Variants in NRXN3 observed in about 807,000 individuals in gnomAD.
NRXN3 encodes neurexin 3.
In NRXN3, 32 loss-of-function variants were observed where a neutral mutation model predicts 137.6. The ratio of observed to expected loss-of-function variants is 0.23; its 90% CI spans 0.18 to 0.31. NRXN3 has a LOEUF of 0.31. Ranked by LOEUF, NRXN3 falls within the 10% of genes least tolerant of loss-of-function variation. The pLI, the probability that NRXN3 is intolerant of heterozygous loss-of-function variation, is 1.00. For synonymous variants in NRXN3, 798 were observed against 784.5 expected, an observed-to-expected ratio of 1.02 and a Z score of -0.29; for missense variants, 1,574 against 2,062.5, an observed-to-expected ratio of 0.76 and a Z score of 4.59.
chr14:79,356,845 C>T (rs2093441525), intron 15 of NRXN3, among the ~76,000 whole-genome samples: 1 of 152,118 alleles, frequency 6.6e-6, no homozygotes, highest in Non-Finnish European at 1.5e-5. Context: ...TCTGCTGCCT[C>T]AGCTTCTGGA....
intron 3 of NRXN3, among the ~76,000 whole-genome samples, chr14:78,279,066 G>A (rs1596690418): frequency 6.6e-6 from 1 of 152,174 alleles, no homozygotes; most frequent in Non-Finnish European, 1.5e-5. Context: ...GACATACGTA[G>A]CATGGAAAAT....
chr14:78,599,946 A>T (rs1038631381), intron 4 of NRXN3, among the ~76,000 whole-genome samples: 2 of 152,126 alleles, frequency 1.3e-5, no homozygotes, highest in African/African-American at 4.8e-5. Flanking sequence ...TGACTTAAGA[A>T]ATTTCTGGAA....
At chr14:79,149,517 A>G (rs2059610856) in intron 15 of NRXN3, among the ~76,000 whole-genome samples, 2 of 152,064 alleles carry the variant, frequency 1.3e-5, no homozygotes, top group African/African-American at 4.8e-5. Context: ...TATATACCCA[A>G]AGGAATATAA....
At chr14:79,625,305 T>C (rs1238064580) in intron 16 of NRXN3, among the ~76,000 whole-genome samples, 2 of 152,122 alleles carry the variant, frequency 1.3e-5, no homozygotes, top group African/African-American at 4.8e-5. Context: ...AAAATGAACA[T>C]GTGGGTTATT....
chr14:79,618,374 T>C (rs1459204161), intron 16 of NRXN3, among the ~76,000 whole-genome samples: 2 of 152,084 alleles, frequency 1.3e-5, no homozygotes, highest in Non-Finnish European at 1.5e-5. Context: ...CCAGTGTCTA[T>C]TGTTGACATA....
chr14:78,667,391 A>T (rs117183890), intron 6 of NRXN3, among the ~76,000 whole-genome samples: 1 of 152,222 alleles, frequency 6.6e-6, no homozygotes. Context: ...CTCAAGAAAT[A>T]CTAGCTATTT....
intron 19 of NRXN3, among the ~76,000 whole-genome samples, chr14:79,804,390 G>A (rs930002083): frequency 3.3e-5 from 5 of 152,058 alleles, no homozygotes; most frequent in African/African-American, 1.2e-4. Context: ...CCCTGGGACT[G>A]GGGAGTTTCT....
At chr14:78,918,796 C>T (rs1319340504) in intron 10 of NRXN3, among the ~76,000 whole-genome samples, 3 of 152,248 alleles carry the variant, frequency 2.0e-5, no homozygotes, top group Admixed American at 6.5e-5. Context: ...GTATTCAGTA[C>T]AATCACAAGC....
At chr14:78,999,425 A>G (rs74904134) in intron 15 of NRXN3, among the ~76,000 whole-genome samples, 1,865 of 152,284 alleles carry the variant, frequency 0.012, 35 homozygotes, top group African/African-American at 0.042. Flanking sequence ...TACTCAAAAT[A>G]TATTTGTTGG....
intron 16 of NRXN3, among the ~76,000 whole-genome samples, chr14:79,593,680 T>C (rs2097833776): frequency 7.0e-6 from 1 of 143,786 alleles, no homozygotes; most frequent in Admixed American, 6.9e-5. Context: ...AGCAAACACA[T>C]GAACCTAAAA....
intron 4 of NRXN3, among the ~76,000 whole-genome samples, chr14:78,537,555 A>T (rs551660229): frequency 6.6e-6 from 1 of 152,292 alleles, no homozygotes; most frequent in South Asian, 2.1e-4. Flanking sequence ...CCCATTCTGT[A>T]GGTTGCTTGT....
intron 4 of NRXN3, among the ~76,000 whole-genome samples, chr14:78,454,416 A>G (rs2094630402): frequency 1.3e-5 from 2 of 152,198 alleles, no homozygotes; most frequent in African/African-American, 2.4e-5. Flanking sequence ...AAAGGCTGTT[A>G]TTGATGAAAA....
chr14:78,495,779 C>G (rs529862457), intron 4 of NRXN3, among the ~76,000 whole-genome samples: 1 of 152,184 alleles, frequency 6.6e-6, no homozygotes, highest in African/African-American at 2.4e-5. Context: ...GTGAAGGTGA[C>G]AGTCTTCTGG....
intron 4 of NRXN3, among the ~76,000 whole-genome samples, chr14:78,618,715 T>C (rs1465125164): frequency 6.6e-6 from 1 of 152,212 alleles, no homozygotes; most frequent in African/African-American, 2.4e-5. Context: ...CATGAAGTAA[T>C]GCAGTCTTCT....
intron 19 of NRXN3, among the ~76,000 whole-genome samples, chr14:79,730,550 A>G (rs749801203): frequency 4.6e-5 from 7 of 152,234 alleles, no homozygotes; most frequent in Non-Finnish European, 1.0e-4. Context: ...TTTCTCTATA[A>G]GATGAATTGT....
At chr14:78,352,190 A>G (rs1465179976) in intron 4 of NRXN3, among the ~76,000 whole-genome samples, 1 of 152,080 alleles carries the variant, frequency 6.6e-6, no homozygotes, top group Non-Finnish European at 1.5e-5. Context: ...GCAGCAGAAT[A>G]TATTTTTGTG....
chr14:79,123,359 G>A (rs890464421), intron 15 of NRXN3, among the ~76,000 whole-genome samples: 6 of 152,152 alleles, frequency 3.9e-5, no homozygotes, highest in African/African-American at 7.2e-5. Flanking sequence ...CCTAAATTGA[G>A]TCTCTCACAT....
chr14:78,437,272 A>T lies in NRXN3; in HGVS notation c.757+139412A>T, dbSNP rs527463108. 2.7e-3 allele frequency among the ~76,000 whole-genome samples: 413 copies of T among 152,234 alleles called. 2 individuals are homozygous for T. Among genetic ancestry groups the T allele is most frequent in the Non-Finnish European group, 3.8e-3 (258 of 68,004 alleles). ...CTGAGGGAGAGTTGGAATTCAACCCACAGGTAGCCTGATTTCAAAGTTCAG... is the reference window on the plus strand; with the variant it reads ...CTGAGGGAGAGTTGGAATTCAACCCTCAGGTAGCCTGATTTCAAAGTTCAG... On this transcript the variant is annotated intron_variant, in intron 4 of 20. Transcript: ENST00000335750.
rs140663626 is a variant in NRXN3 at position 79,861,821 on chromosome 14, G to A, written c.4573G>A (p.Glu1525Lys). Reference sequence around the variant, plus strand: ...CATGTACAAGTACAGGAACAGGGACGAGGGGTCCTATCAAGTGGACGAGAC... The same window carrying A: ...CATGTACAAGTACAGGAACAGGGACAAGGGGTCCTATCAAGTGGACGAGAC... ...YAMYKYRNRDEGSYQVDETRN... is the reference protein window; with the variant it reads ...YAMYKYRNRDKGSYQVDETRN... Residue 1525 changes from glutamate (E) to lysine (K), a missense_variant, in exon 21 of 21, where the codon GAG becomes AAG. Coordinates refer to ENST00000335750, the MANE Select transcript of NRXN3 (RefSeq NM_001330195.2). This position sits in a 1 kb window ranked among gnomAD's most constrained non-coding sequence, Gnocchi z 5.4. The A allele has an allele frequency of 3.7e-6, 6 of 1,613,994 alleles. No homozygotes were observed. Among genetic ancestry groups the A allele is most frequent in the African/African-American group, 2.7e-5 (2 of 74,904 alleles).
Sources: allele counts gnomAD v4.1 joint callset (sites outside exome capture counted in the v4.1 genomes callset), GRCh38; gene constraint gnomAD v4.1.1; non-coding constraint Gnocchi (gnomAD v3.1); transcripts MANE v1.5; gene names NCBI Gene and HGNC (gene_info 2026-07-23, HGNC 2026-07-21).